RPS6KA2: variants seen among roughly 807,000 people sequenced by gnomAD.
RPS6KA2 encodes the protein ribosomal protein S6 kinase alpha-2.
Under a neutral mutation model 91.8 loss-of-function variants are expected in RPS6KA2, and 42 were observed. The ratio of observed to expected loss-of-function variants is 0.46; its 90% CI spans 0.36 to 0.59. The LOEUF (loss-of-function observed/expected upper bound fraction) is 0.59. Among genes scored for constraint, RPS6KA2 ranks in the 20% least tolerant of loss-of-function variants. RPS6KA2 has a pLI of 0.00. For synonymous variants in RPS6KA2, 414 were observed against 393.6 expected (o/e 1.05, Z -0.61); for missense variants, 798 against 978.5 (o/e 0.82, Z 2.46).
intron 1 of RPS6KA2, among the ~76,000 whole-genome samples, chr6:166,624,493 C>A (rs185687397): frequency 2.6e-5 from 4 of 152,264 alleles, no homozygotes; most frequent in African/African-American, 9.6e-5. Context: ...GCAGCCTTCT[C>A]AAGTATGGGT....
chr6:166,564,627 C>G (rs11970618), intron 1 of RPS6KA2, among the ~76,000 whole-genome samples: 7,293 of 152,298 alleles, frequency 0.048, 624 homozygotes, highest in African/African-American at 0.17. Flanking sequence ...CTTGCACTTG[C>G]TCTTTAATGT....
chr6:166,696,750 A>C (rs1789370678), intron 2 of RPS6KA2, among the ~76,000 whole-genome samples: 1 of 152,180 alleles, frequency 6.6e-6, no homozygotes, highest in South Asian at 2.1e-4. Flanking sequence ...AAAGGACAGA[A>C]CAGAAAAGCC....
At chr6:166,850,506 G>T (rs1013448451) in intron 2 of RPS6KA2, among the ~76,000 whole-genome samples, 1 of 152,136 alleles carries the variant, frequency 6.6e-6, no homozygotes, top group African/African-American at 2.4e-5. Context: ...CCATCTAAAA[G>T]CCCCCGGATT....
intron 2 of RPS6KA2, among the ~76,000 whole-genome samples, chr6:166,652,660 C>G (rs912635059): frequency 6.6e-6 from 1 of 152,038 alleles, no homozygotes; most frequent in African/African-American, 2.4e-5. Context: ...TGTTAAAATC[C>G]CACCCGGTGA....
At chr6:166,551,016 G>C (rs1784006039) in intron 1 of RPS6KA2, among the ~76,000 whole-genome samples, 1 of 94,394 alleles carries the variant, frequency 1.1e-5, no homozygotes, top group Non-Finnish European at 2.6e-5. Flanking sequence ...AAAAAAGAAC[G>C]TGAAATTAGG....
At chr6:166,544,156 T>C (rs909648515) in intron 1 of RPS6KA2, among the ~76,000 whole-genome samples, 1 of 152,242 alleles carries the variant, frequency 6.6e-6, no homozygotes, top group African/African-American at 2.4e-5. Context: ...CTCACACTTT[T>C]AAACATTCTT....
chr6:166,670,227 G>A lies in RPS6KA2; in HGVS notation c.124-131443C>T, dbSNP rs139643851. ...ACACTCATCCTTCACCGGTCCGTGC[G>A]GCCTTGCCCTTTTCGGCAGCCTGGT... On this transcript the variant is annotated intron_variant, in intron 2 of 21. Transcript: ENST00000503859. Among the ~76,000 whole-genome samples, 205 of 152,350 alleles carry A rather than the reference G, an allele frequency of 1.3e-3. 1 individual carries two copies. The highest frequency in any genetic ancestry group is 4.1e-3 in the African/African-American group (171 of 41,578).
chr6:166,606,942 A>G (rs1486622455), intron 1 of RPS6KA2, among the ~76,000 whole-genome samples: 1 of 152,166 alleles, frequency 6.6e-6, no homozygotes, highest in East Asian at 1.9e-4. Flanking sequence ...GGAGTTTGAG[A>G]CCAGCCTTGA....
At chr6:166,741,916 C>T (rs1790827913) in intron 2 of RPS6KA2, among the ~76,000 whole-genome samples, 2 of 152,274 alleles carry the variant, frequency 1.3e-5, no homozygotes, top group East Asian at 1.9e-4. Flanking sequence ...CACCTGAGGT[C>T]GGGAGTTCAA....
intron 2 of RPS6KA2, among the ~76,000 whole-genome samples, chr6:166,741,652 G>A (rs987539534): frequency 2.0e-5 from 3 of 152,202 alleles, no homozygotes; most frequent in South Asian, 2.1e-4. Context: ...TGCAAGCCAC[G>A]AGCAGTCATA....
At chr6:166,684,465 C>G (rs934990627) in intron 2 of RPS6KA2, among the ~76,000 whole-genome samples, 1 of 152,212 alleles carries the variant, frequency 6.6e-6, no homozygotes, top group Non-Finnish European at 1.5e-5. Context: ...ACTGCTGCTT[C>G]AACACAGCTG....
intron 2 of RPS6KA2, among the ~76,000 whole-genome samples, chr6:166,808,153 C>A (rs574786649): frequency 6.6e-6 from 1 of 152,216 alleles, no homozygotes; most frequent in Non-Finnish European, 1.5e-5. Flanking sequence ...CTCCCTGGAC[C>A]GGGCTGGGAC....
intron 12 of RPS6KA2, among the ~76,000 whole-genome samples, chr6:166,455,866 A>T (rs1780087052): frequency 6.6e-6 from 1 of 152,260 alleles, no homozygotes; most frequent in Non-Finnish European, 1.5e-5. Flanking sequence ...ATGGTTTAAG[A>T]AATCTTCAAA....
intron 2 of RPS6KA2, among the ~76,000 whole-genome samples, chr6:166,678,448 C>T (rs560139991): frequency 6.6e-6 from 1 of 152,342 alleles, no homozygotes; most frequent in Admixed American, 6.5e-5. Context: ...CTTCTTTTCG[C>T]TAAATAAAGT....
In RPS6KA2 at chr6:166,508,363, C is replaced by G. The variant is rs530131739; in HGVS notation, c.380-81G>C. 2.2e-6 allele frequency: 2 copies of G among 925,332 alleles called. No individual in the cohort carries two copies. Among genetic ancestry groups the G allele is most frequent in the South Asian group, 2.8e-5 (2 of 70,386 alleles). 57.3% of individuals were successfully genotyped at this position (925,332 alleles called of 1,614,324 possible). ...TCGCTCTCTGGCTTCTCCCTGCTCA[C>G]GGTGCTGCTTACTCCGGGAGGCTGA... On this transcript the variant is annotated intron_variant, in intron 4 of 20. Transcript: ENST00000265678. This position sits in a 1 kb window ranked among gnomAD's most constrained non-coding sequence, Gnocchi z 4.3.
intron 1 of RPS6KA2, among the ~76,000 whole-genome samples, chr6:166,543,589 C>T (rs556409378): frequency 1.3e-5 from 2 of 152,330 alleles, no homozygotes; most frequent in Admixed American, 1.3e-4. Flanking sequence ...CCCCTGGGTT[C>T]GCTCCCACCT....
At chr6:166,672,363 C>T (rs1243541959) in intron 2 of RPS6KA2, among the ~76,000 whole-genome samples, 1 of 152,166 alleles carries the variant, frequency 6.6e-6, no homozygotes, top group South Asian at 2.1e-4. Flanking sequence ...GCTAGATTCA[C>T]AGCAGATAAC....
intron 10 of RPS6KA2, among the ~76,000 whole-genome samples, 169 bp downstream of exon 10, chr6:166,488,664 C>G (rs1225717707): frequency 6.6e-6 from 1 of 152,162 alleles, no homozygotes; most frequent in East Asian, 1.9e-4. Context: ...GCCTTTTTTC[C>G]TGGAGCTCAG....
intron 10 of RPS6KA2, among the ~76,000 whole-genome samples, chr6:166,470,987 G>A (rs9366014): frequency 0.37 from 56,601 of 151,866 alleles, 10,921 homozygotes; most frequent in African/African-American, 0.48. Flanking sequence ...CAGTGGCGGC[G>A]GTGGCTGGGG....
Sources: gnomAD v4.1 joint callset for allele counts (sites outside exome capture counted in the v4.1 genomes callset) on GRCh38, gnomAD v4.1.1 for gene constraint, Gnocchi (gnomAD v3.1) non-coding constraint, MANE v1.5 for transcripts, NCBI Gene and HGNC (gene_info 2026-07-23, HGNC 2026-07-21) for gene names.